NDRG4: variants seen among roughly 807,000 people sequenced by gnomAD.
NDRG4 encodes the protein NDRG family member 4.
NDRG4 carries 38 observed loss-of-function variants against 55.8 expected under a neutral mutation model. That is an observed-to-expected ratio of 0.68 (90% CI 0.53 to 0.89). NDRG4 has a LOEUF of 0.89. Among genes scored for constraint, NDRG4 ranks in the 40% least tolerant of loss-of-function variants. The probability of loss-of-function intolerance (pLI) is 0.00; values close to 1 mark genes in which losing one functional copy is unlikely to be tolerated. For missense variants in NDRG4, 455 were observed against 468.6 expected (o/e 0.97, Z 0.27); for synonymous variants, 190 against 182.7 (o/e 1.04, Z -0.32).
Position 58,464,811 on chromosome 16 carries a change from G to T in NDRG4, c.-24+1014G>T. 1 of 1,259,600 alleles carries T rather than the reference G, an allele frequency of 7.9e-7. No individual in the cohort carries two copies. 78.0% of individuals were successfully genotyped at this position (1,259,600 alleles called of 1,614,324 possible). A position where few individuals can be genotyped will look rare whatever the true frequency, so the allele number is the denominator to read the frequency against. Reference sequence around the variant, plus strand: ...TTGTCCCCTAAGAAAGGACCCGTGGGCTTCTGGCAGGACCCGCGCCATGGA... The same window carrying T: ...TTGTCCCCTAAGAAAGGACCCGTGGTCTTCTGGCAGGACCCGCGCCATGGA... On this transcript the variant is annotated intron_variant, in intron 1 of 15. Coordinates refer to the NDRG4 transcript ENST00000258187. This position sits in a 1 kb window ranked among gnomAD's most constrained non-coding sequence, Gnocchi z 4.8.
chr16:58,514,619 G>A (rs2039059660), downstream of NDRG4, among the ~76,000 whole-genome samples: 1 of 151,938 alleles, frequency 6.6e-6, no homozygotes. Flanking sequence ...GCGTACGCCT[G>A]TAGTCCCAGC....
chr16:58,486,711 AC>A (rs2035124403), intron 1 of NDRG4, among the ~76,000 whole-genome samples: 1 of 48,796 alleles, frequency 2.0e-5, no homozygotes, highest in Non-Finnish European at 4.9e-5. Flanking sequence ...ACACACACAC[AC>A]ACACACACAC....
chr16:58,495,636 A>G (rs905565354), upstream of NDRG4: 1 of 152,948 alleles, frequency 6.5e-6, no homozygotes, highest in Admixed American at 6.5e-5. Context: ...CCGTGACAGC[A>G]CCAGCCAAGT....
rs762624308 is a variant in NDRG4 at position 58,503,806 on chromosome 16, C to T, written c.30C>T (p.Asp10=). Residue 10 remains aspartate (D), a synonymous_variant, in exon 2 of 15, where the codon GAC becomes GAT. Coordinates refer to ENST00000570248, the MANE Select transcript of NDRG4 (RefSeq NM_001242835.2). MPECWDGEH[D]IETPYGLLHV... ...CGGTCTCTCCCCTTCAGGAACATGA[C>T]ATCGAGACACCCTACGGCCTTCTGC... The T allele has an allele frequency of 6.2e-7, 1 of 1,613,842 alleles. No homozygotes were observed. Among genetic ancestry groups the T allele is most frequent in the Non-Finnish European group, 8.5e-7 (1 of 1,179,996 alleles).
Position 58,471,672 on chromosome 16 carries a change from C to T in NDRG4, c.-24+7875C>T, listed in dbSNP as rs554461901. Reference sequence around the variant, plus strand: ...TCCAAACCACAGGTGGAATGTATCGCCAGCCAGAGTGATCAGGTGTCTTAA... The same window carrying T: ...TCCAAACCACAGGTGGAATGTATCGTCAGCCAGAGTGATCAGGTGTCTTAA... On this transcript the variant is annotated intron_variant, in intron 1 of 15. Coordinates refer to the NDRG4 transcript ENST00000258187. Among the ~76,000 whole-genome samples, 3 of 152,244 alleles carry T rather than the reference C, an allele frequency of 2.0e-5. No individual in the cohort carries two copies. The South Asian group carries it at 6.2e-4, about 32-fold the overall frequency.
intron 1 of NDRG4, among the ~76,000 whole-genome samples, chr16:58,474,544 TCTCC>T (rs1301727732): frequency 6.6e-6 from 1 of 151,982 alleles, no homozygotes; most frequent in Admixed American, 6.6e-5. Flanking sequence ...CATCCCTCTC[TCTCC>T]CCTCCTGTGA....
chr16:58,464,398 GC>G lies in NDRG4; in HGVS notation c.-24+603del. The G allele has an allele frequency of 7.3e-7, 1 of 1,366,816 alleles. No individual in the cohort carries two copies. Among genetic ancestry groups the G allele is most frequent in the Non-Finnish European group, 9.4e-7 (1 of 1,063,280 alleles). The allele number at this position is 1,366,816 out of a possible 1,614,324, so 84.7% of individuals were successfully genotyped here. Reference sequence around the variant, plus strand: ...CGGCCGAGCGCGCTGCCCCGACGCCGCCACCCAGAGCCGGGCCGCGCCGGGC... The same window carrying G: ...CGGCCGAGCGCGCTGCCCCGACGCCGCACCCAGAGCCGGGCCGCGCCGGGC... On this transcript the variant is annotated intron_variant, in intron 1 of 15. Transcript: ENST00000258187. This position sits in a 1 kb window ranked among gnomAD's most constrained non-coding sequence, Gnocchi z 4.8.
At chr16:58,503,588 G>A (rs1276094801) in intron 1 of NDRG4, 3 of 944,246 alleles carry the variant, frequency 3.2e-6, no homozygotes, top group African/African-American at 3.2e-5. Flanking sequence ...ATGCAGATCA[G>A]TTCACATTGT....
upstream of NDRG4, chr16:58,499,695 C>G (rs1416398430): frequency 6.2e-6 from 1 of 160,816 alleles, no homozygotes; most frequent in East Asian, 1.9e-4. Context: ...CTCTCGGGCC[C>G]TCCATACTCC....
At chr16:58,467,014 C>G (rs1000032497) in intron 1 of NDRG4, among the ~76,000 whole-genome samples, 2 of 152,148 alleles carry the variant, frequency 1.3e-5, no homozygotes, top group African/African-American at 4.8e-5. Flanking sequence ...TGACCCATCT[C>G]CCCCATTGGA....
At position 58,464,684 on chromosome 16, in the gene NDRG4, G is replaced by A; in HGVS notation, c.-24+887G>A. On this transcript the variant is annotated intron_variant, in intron 1 of 15. Transcript: ENST00000258187. This position sits in a 1 kb window ranked among gnomAD's most constrained non-coding sequence, Gnocchi z 4.8. ...CCTGGCGCTGGCGTCCGGGCTGCGG[G>A]AGCACCGGTCAGGGGGTGGCCCCAT... 8.8e-7 allele frequency: 1 copy of A among 1,132,236 alleles called. No homozygotes were observed. Among genetic ancestry groups the A allele is most frequent in the Non-Finnish European group, 1.1e-6 (1 of 883,490 alleles). The allele number at this position is 1,132,236 out of a possible 1,614,324, so 70.1% of individuals were successfully genotyped here. A position where few individuals can be genotyped will look rare whatever the true frequency, so the allele number is the denominator to read the frequency against.
At chr16:58,507,099 C>A (rs1420905253) in intron 8 of NDRG4, 84 bp downstream of exon 8, 49 of 1,067,746 alleles carry the variant, frequency 4.6e-5, no homozygotes, top group Non-Finnish European at 6.6e-5. Flanking sequence ...GGCAGGCAGA[C>A]AACACCCTTG....
intron 1 of NDRG4, among the ~76,000 whole-genome samples, chr16:58,482,362 G>A (rs1323371842): frequency 5.9e-5 from 9 of 152,010 alleles, no homozygotes; most frequent in African/African-American, 2.2e-4. Flanking sequence ...TTCCTGTCCC[G>A]CAGGCCTGTT....
chr16:58,500,894 G>A (rs1366178886), intron 1 of NDRG4: 3 of 821,356 alleles, frequency 3.7e-6, no homozygotes, highest in Non-Finnish European at 4.9e-6. Context: ...GCAGAGGCAA[G>A]GAGGTCTGGG....
Position 58,500,206 on chromosome 16 carries a change from T to G in NDRG4, c.-43T>G, listed in dbSNP as rs552928706. 8.4e-4 allele frequency: 1,287 copies of G among 1,535,862 alleles called. 1 individual carries two copies. The highest frequency in any genetic ancestry group is 1.3e-3 in the Middle Eastern group (8 of 5,984). Reference sequence around the variant, plus strand: ...TCTGGACCCGAGTGACTCAGGCCTTTGTTTGTCCTTCCTGGTAGAGGCGGG... The same window carrying G: ...TCTGGACCCGAGTGACTCAGGCCTTGGTTTGTCCTTCCTGGTAGAGGCGGG... On this transcript the variant is annotated 5_prime_UTR_variant, in exon 1 of 15. Coordinates refer to ENST00000570248, the MANE Select transcript of NDRG4 (RefSeq NM_001242835.2).
chr16:58,469,152 T>C (rs2032298835), intron 1 of NDRG4, among the ~76,000 whole-genome samples: 2 of 152,208 alleles, frequency 1.3e-5, no homozygotes, highest in African/African-American at 4.8e-5. Flanking sequence ...TTTTAGTGTT[T>C]GTTGGCAGAT....
chr16:58,494,923 C>T lies in NDRG4; in HGVS notation c.73-41C>T. The T allele has an allele frequency of 3.1e-6, 5 of 1,606,588 alleles. No homozygotes were observed. The South Asian group carries it at 3.3e-5, about 11-fold the overall frequency. Reference sequence around the variant, plus strand: ...GGCCCCACGGGCTCCCCAGACCAGCCAGGGCCTAACTTGCCACCCCCTCTG... The same window carrying T: ...GGCCCCACGGGCTCCCCAGACCAGCTAGGGCCTAACTTGCCACCCCCTCTG... On this transcript the variant is annotated intron_variant, in intron 2 of 15. Transcript: ENST00000258187.
At chr16:58,469,501 A>G (rs1238695915) in intron 1 of NDRG4, among the ~76,000 whole-genome samples, 1 of 152,196 alleles carries the variant, frequency 6.6e-6, no homozygotes, top group Non-Finnish European at 1.5e-5. Context: ...TTGAATTTTT[A>G]GGAACAAATA....
intron 13 of NDRG4, among the ~76,000 whole-genome samples, chr16:58,509,948 AC>A (rs544324912): frequency 1.5e-3 from 230 of 152,120 alleles, no homozygotes; most frequent in Middle Eastern, 0.01. Context: ...AGACACACAC[AC>A]ACACACACAC....
Sources: allele counts gnomAD v4.1 joint callset (sites outside exome capture counted in the v4.1 genomes callset), GRCh38; gene constraint gnomAD v4.1.1; non-coding constraint Gnocchi (gnomAD v3.1); transcripts MANE v1.5; gene names NCBI Gene and HGNC (gene_info 2026-07-23, HGNC 2026-07-21).